CPO: variants seen among roughly 807,000 people sequenced by gnomAD.
CPO encodes the protein carboxypeptidase O, also known as metallocarboxypeptidase C.
CPO carries 43 observed loss-of-function variants against 41.2 expected under a neutral mutation model. That is an observed-to-expected ratio of 1.04 (90% CI 0.82 to 1.35). The LOEUF is 1.35. Among genes scored for constraint, CPO ranks in the 40% most tolerant of loss-of-function variants. The pLI, the probability that CPO is intolerant of heterozygous loss-of-function variation, is 0.00. For synonymous variants in CPO, 178 were observed against 162.7 expected, an observed-to-expected ratio of 1.09 and a Z score of -0.72; for missense variants, 408 against 451.7, an observed-to-expected ratio of 0.90 and a Z score of 0.88.
At chr2:206,963,039 G>A (rs1247887227) in intron 7 of CPO, among the ~76,000 whole-genome samples, 1 of 152,192 alleles carries the variant, frequency 6.6e-6, no homozygotes, top group East Asian at 1.9e-4. Context: ...AATAATATCT[G>A]CTCTCTTCTC....
chr2:206,959,787 C>T lies in CPO; in HGVS notation c.483+46C>T, dbSNP rs576983132. 541 of 840,600 alleles carry T rather than the reference C, an allele frequency of 6.4e-4. 10 individuals carry two copies. The South Asian group carries it at 7.6e-3, about 12-fold the overall frequency. 52.1% of individuals were successfully genotyped at this position (840,600 alleles called of 1,614,324 possible). On this transcript the variant is annotated intron_variant, in intron 5 of 8. Coordinates refer to ENST00000272852, the MANE Select transcript of CPO (RefSeq NM_173077.3). ...CCTGGGATGAGTTCATGAACTAAAG[C>T]TCAATTCAGGTTAATTTTTCCAATG...
intron 1 of CPO, among the ~76,000 whole-genome samples, chr2:206,948,160 C>T (rs572213255): frequency 2.0e-5 from 3 of 152,288 alleles, no homozygotes; most frequent in South Asian, 4.1e-4. Flanking sequence ...ACTGCCATAT[C>T]TTGGAAGCAA....
chr2:206,962,745 T>A (rs1693504905), intron 7 of CPO, 131 bp downstream of exon 7: 1 of 716,530 alleles, frequency 1.4e-6, no homozygotes, highest in African/African-American at 1.8e-5. Flanking sequence ...ATATTCTTTT[T>A]CCTGCTTTTG....
At chr2:206,961,419 G>A (rs1693476029) in intron 6 of CPO, among the ~76,000 whole-genome samples, 1 of 152,140 alleles carries the variant, frequency 6.6e-6, no homozygotes, top group Admixed American at 6.5e-5. Context: ...TAACCAGATG[G>A]GAAGGGTTAA....
intron 1 of CPO, among the ~76,000 whole-genome samples, chr2:206,945,302 A>G (rs1372029365): frequency 6.6e-6 from 1 of 152,222 alleles, no homozygotes. Flanking sequence ...GTATCACTAT[A>G]CAAAAGTTTG....
chr2:206,955,504 A>T lies in CPO; in HGVS notation c.207A>T (p.Glu69Asp). 6.2e-7 allele frequency: 1 copy of T among 1,611,840 alleles called. No homozygotes were observed. Among genetic ancestry groups the T allele is most frequent in the East Asian group, 2.2e-5 (1 of 44,862 alleles). ...WMREISEKYK[E>D]VVTQHFLGVT... ...GAGAGATCAGTGAGAAGTACAAGGAAGTGGTGACACAGCATTTCCTAGGAG... is the reference window on the plus strand; with the variant it reads ...GAGAGATCAGTGAGAAGTACAAGGATGTGGTGACACAGCATTTCCTAGGAG... The change falls in exon 3 of 9, where the codon GAA becomes GAT. Residue 69 changes from glutamate to aspartate, a missense_variant. Coordinates refer to ENST00000272852, the MANE Select transcript of CPO (RefSeq NM_173077.3).
intron 5 of CPO, among the ~76,000 whole-genome samples, chr2:206,960,168 C>T (rs1325920850): frequency 2.0e-5 from 3 of 152,154 alleles, no homozygotes; most frequent in African/African-American, 4.8e-5. Context: ...ACACAGGGGG[C>T]AAACATCACA....
At chr2:206,950,781 T>C (rs530779670) in intron 2 of CPO, among the ~76,000 whole-genome samples, 3 of 152,210 alleles carry the variant, frequency 2.0e-5, no homozygotes, top group South Asian at 2.1e-4. Flanking sequence ...TGCAGGGACA[T>C]GGATGAAGCT....
intron 2 of CPO, among the ~76,000 whole-genome samples, chr2:206,950,017 G>T (rs925656299): frequency 1.8e-4 from 28 of 152,286 alleles, no homozygotes; most frequent in African/African-American, 6.7e-4. Flanking sequence ...ATTTTTGTTT[G>T]TCAAGTTCTT....
In CPO at chr2:206,960,772, T is replaced by C. The variant is rs147504955; in HGVS notation, c.484-80T>C. Reference sequence around the variant, plus strand: ...ATAATCCTAGGAAACATTTTTCATGTTCAAGGACCACCTATCATCACTAAC... The same window carrying C: ...ATAATCCTAGGAAACATTTTTCATGCTCAAGGACCACCTATCATCACTAAC... On this transcript the variant is annotated intron_variant, in intron 5 of 8. Coordinates refer to ENST00000272852, the MANE Select transcript of CPO (RefSeq NM_173077.3). 792 of 996,662 alleles carry C rather than the reference T, an allele frequency of 7.9e-4. 9 individuals carry two copies. The African/African-American group carries it at 0.012, about 15-fold the overall frequency. The allele number at this position is 996,662 out of a possible 1,614,324, so 61.7% of individuals were successfully genotyped here. A position where few individuals can be genotyped will look rare whatever the true frequency, so the allele number is the denominator to read the frequency against.
At chr2:206,948,011 G>C (rs1035981389) in intron 1 of CPO, among the ~76,000 whole-genome samples, 6 of 152,318 alleles carry the variant, frequency 3.9e-5, no homozygotes, top group Non-Finnish European at 8.8e-5. Flanking sequence ...TTGGAAGACA[G>C]TTTGGCAATT....
intron 1 of CPO, among the ~76,000 whole-genome samples, chr2:206,949,288 T>C (rs1362358674): frequency 6.6e-6 from 1 of 152,218 alleles, no homozygotes; most frequent in African/African-American, 2.4e-5. Context: ...GCATGTCTCG[T>C]AAGTTTCACT....
chr2:206,966,099 T>G (rs1472959894), intron 7 of CPO, among the ~76,000 whole-genome samples: 1 of 151,922 alleles, frequency 6.6e-6, no homozygotes, highest in Non-Finnish European at 1.5e-5. Flanking sequence ...AGTTATTTTA[T>G]CAACAAAGAA....
rs141746067 is a variant in CPO at position 206,958,367 on chromosome 2, T to G, written c.334T>G (p.Trp112Gly). 2.2e-5 allele frequency: 36 copies of G among 1,602,584 alleles called. No individual in the cohort carries two copies. In the African/African-American group the frequency reaches 4.7e-4, roughly 21 times the overall value. ...WMDCGIHARE[W>G]IAPAFCQWFV... is the part of the protein sequence containing the mutation. ...GGACTGTGGAATTCACGCCAGAGAA[T>G]GGATTGCTCCTGCTTTTTGCCAATG... is the stretch of plus-strand genomic sequence containing the variant. The change falls in exon 4 of 9, where the codon TGG becomes GGG. Residue 112 changes from tryptophan to glycine, a missense_variant. Transcript: ENST00000272852.
intron 2 of CPO, among the ~76,000 whole-genome samples, chr2:206,950,533 A>T (rs1294237378): frequency 1.3e-5 from 2 of 152,208 alleles, no homozygotes; most frequent in Admixed American, 6.5e-5. Context: ...TTCCTCAAGG[A>T]TCTAGAACTA....
At position 206,964,621 on chromosome 2, in the gene CPO, A is replaced by G. The variant is rs74760181; in HGVS notation, c.777+2007A>G. Among the ~76,000 whole-genome samples the G allele has an allele frequency of 3.1e-3, 470 of 152,290 alleles. 3 individuals carry two copies. Among genetic ancestry groups the G allele is most frequent in the African/African-American group, 0.011 (462 of 41,570 alleles). ...GTCATTATCAGCTAGATTCCCAGTC[A>G]ACTATGCACTATTTCCTTCTCGTTT... On this transcript the variant is annotated intron_variant, in intron 7 of 8. Transcript: ENST00000272852.
rs557477548 is a variant in CPO at position 206,942,838 on chromosome 2, C to T, written c.68+3171C>T. The stretch of plus-strand genomic sequence containing the variant: ...TATATGGTTTAAGCATTCATTTGAA[C>T]AAAGTATTCGAGTTTCTGAGGTTTA... On this transcript the variant is annotated intron_variant, in intron 1 of 8. Coordinates refer to ENST00000272852, the MANE Select transcript of CPO (RefSeq NM_173077.3). Among the ~76,000 whole-genome samples the T allele has an allele frequency of 3.9e-5, 6 of 152,218 alleles. No individual in the cohort carries two copies. In the East Asian group the frequency reaches 5.8e-4, roughly 15 times the overall value.
chr2:206,949,469 G>A (rs1693208976), intron 1 of CPO, 148 bp from the exon 2 acceptor site: 1 of 561,374 alleles, frequency 1.8e-6, no homozygotes, highest in South Asian at 2.5e-5. Flanking sequence ...CTCATAATTA[G>A]TAAGTCACAG....
chr2:206,959,239 A>G (rs961641714), intron 4 of CPO, among the ~76,000 whole-genome samples: 3 of 152,226 alleles, frequency 2.0e-5, no homozygotes, highest in Admixed American at 2.0e-4. Context: ...TCAGAAACCC[A>G]AACACAGAGA....
Sources: gnomAD v4.1 joint callset for allele counts (sites outside exome capture counted in the v4.1 genomes callset) on GRCh38, gnomAD v4.1.1 for gene constraint, MANE v1.5 for transcripts, NCBI Gene and HGNC (gene_info 2026-07-23, HGNC 2026-07-21) for gene names.